Variants in ASTE1 observed in about 807,000 individuals in gnomAD.
ASTE1 encodes the protein asteroid structure-specific endonuclease 1.
A neutral mutation model predicts 45.8 loss-of-function variants in ASTE1; 49 were observed. The ratio of observed to expected loss-of-function variants is 1.07; its 90% CI spans 0.85 to 1.36. The LOEUF (loss-of-function observed/expected upper bound fraction) is 1.36. Ranked by LOEUF, ASTE1 falls within the 40% of genes most tolerant of loss-of-function variation. ASTE1 has a pLI of 0.00. For missense variants in ASTE1, 709 were observed against 804.0 expected (o/e 0.88, Z 1.43); for synonymous variants, 296 against 303.9 (o/e 0.97, Z 0.27).
At chr3:131,021,798 C>T (rs577017656) in intron 3 of ASTE1, among the ~76,000 whole-genome samples, 12 of 152,288 alleles carry the variant, frequency 7.9e-5, no homozygotes, top group African/African-American at 2.6e-4. Flanking sequence ...AAAGTACACA[C>T]TTTATGTGCA....
At position 131,024,601 on chromosome 3, in the gene ASTE1, A is replaced by C; in HGVS notation, c.706T>G (p.Leu236Val). 2 of 1,611,668 alleles carry C rather than the reference A, an allele frequency of 1.2e-6. No homozygotes were observed. The highest frequency in any genetic ancestry group is 1.7e-6 in the Non-Finnish European group (2 of 1,178,696). The change falls in exon 3 of 6, where the codon TTA (leucine) becomes GTA (valine). Residue 236 changes from leucine to valine, a missense_variant. By Grantham distance (32) the Leu-to-Val change is conservative. Transcript: ENST00000264992. ...CCAAGAGGAAGACGCGCTTTACTTA[A>C]GAATGTCTCCATGATGGGTAGATTA... ...HVNLPIMETFLSKARLPLGAT... is the reference protein window; with the variant it reads ...HVNLPIMETFVSKARLPLGAT...
chr3:131,014,060 T>C lies in ASTE1; in HGVS notation c.2037A>G (p.Glu679=), dbSNP rs371391740. ...CTAGTTTGATGCAAACTGAGTTTTA[T>C]TCAATGTTGGAGGCCTCACTATGTT... ...LEEHSEASNI[E] The change falls in exon 6 of 6, where the codon GAA becomes GAG. Residue 679 remains glutamate (E), a synonymous_variant. Transcript: ENST00000264992. 1.3e-6 allele frequency: 2 copies of C among 1,566,446 alleles called. No homozygotes were observed. Among genetic ancestry groups the C allele is most frequent in the African/African-American group, 2.8e-5 (2 of 72,356 alleles).
At position 131,024,284 on chromosome 3, in the gene ASTE1, G is replaced by T. The variant is rs777499755; in HGVS notation, c.1023C>A (p.Phe341Leu). ...VALAKGQLSPFISDALVLRRT... is the reference protein window; with the variant it reads ...VALAKGQLSPLISDALVLRRT... ...GTCTTAGGACCAAAGCATCACTGAT[G>T]AAAGGAGATAGCTGGCCTTTAGCTA... Residue 341 changes from phenylalanine (F) to leucine (L), a missense_variant, in exon 3 of 6, where the codon TTC (phenylalanine) becomes TTA (leucine). Transcript: ENST00000264992. 19 of 1,614,218 alleles carry T rather than the reference G, an allele frequency of 1.2e-5. No individual in the cohort carries two copies. In the African/African-American group the frequency reaches 2.0e-4, roughly 17 times the overall value.
At chr3:131,026,435 A>G (rs1452835512) in intron 1 of ASTE1, 72 bp downstream of exon 1, 1 of 152,746 alleles carries the variant, frequency 6.5e-6, no homozygotes, top group Non-Finnish European at 1.5e-5. Flanking sequence ...GTCTTCAAAC[A>G]CAGGCCTTCA....
At position 131,024,215 on chromosome 3, in the gene ASTE1, A is replaced by G; in HGVS notation, c.1092T>C (p.Asn364=). The change falls in exon 3 of 6, where the codon AAT becomes AAC. Residue 364 remains asparagine (N), a synonymous_variant. Coordinates refer to ENST00000264992, the MANE Select transcript of ASTE1 (RefSeq NM_014065.4). ...PTQVENMQQP[N]AHRISQPIRQ... Reference sequence around the variant, plus strand: ...TGATGGGCTGAGATATTCTGTGGGCATTTGGTTGCTGCATGTTTTCCACCT... The same window carrying G: ...TGATGGGCTGAGATATTCTGTGGGCGTTTGGTTGCTGCATGTTTTCCACCT... 6.2e-7 allele frequency: 1 copy of G among 1,614,202 alleles called. No individual in the cohort carries two copies. Among genetic ancestry groups the G allele is most frequent in the East Asian group, 2.2e-5 (1 of 44,880 alleles).
intron 5 of ASTE1, 70 bp from the exon 6 acceptor site, chr3:131,014,457 A>G (rs2063493097): frequency 1.1e-5 from 16 of 1,424,674 alleles, no homozygotes; most frequent in Non-Finnish European, 1.5e-5. Flanking sequence ...TACCATTGAC[A>G]TAGCTTCAAC....
chr3:131,020,392 G>A (rs1371258685), intron 3 of ASTE1, among the ~76,000 whole-genome samples: 1 of 152,180 alleles, frequency 6.6e-6, no homozygotes, highest in African/African-American at 2.4e-5. Flanking sequence ...TGCCCCGAGA[G>A]GCAGAGATGC....
intron 3 of ASTE1, among the ~76,000 whole-genome samples, chr3:131,019,772 A>C (rs1411400703): frequency 2.0e-5 from 3 of 152,236 alleles, no homozygotes; most frequent in Non-Finnish European, 4.4e-5. Flanking sequence ...TAAAGATATT[A>C]ACCTGAAACA....
At chr3:131,022,738 G>T (rs1577110435) in intron 3 of ASTE1, among the ~76,000 whole-genome samples, 1 of 151,992 alleles carries the variant, frequency 6.6e-6, no homozygotes, top group African/African-American at 2.4e-5. Flanking sequence ...AAGGCTCTTG[G>T]ACTCACTGCC....
At chr3:131,021,125 G>A (rs1453972219) in intron 3 of ASTE1, among the ~76,000 whole-genome samples, 2 of 152,086 alleles carry the variant, frequency 1.3e-5, no homozygotes, top group African/African-American at 4.8e-5. Flanking sequence ...AGTATATTAA[G>A]AACTTCTGTT....
At position 131,014,203 on chromosome 3, in the gene ASTE1, T is replaced by G. The variant is rs2063468360; in HGVS notation, c.1894A>C (p.Arg632=). ...CAGCTGGTATTCTGTTTCTTCTGCC[T>G]TTTTTTTTTTGAATTTGATCTACCT... ...PKGRSNSKKK[R]QKKQNTSCSK... Residue 632 remains arginine, a synonymous_variant, in exon 6 of 6, where the codon AGG becomes CGG. Transcript: ENST00000264992. 2 of 743,916 alleles carry G rather than the reference T, an allele frequency of 2.7e-6. No homozygotes were observed. The highest frequency in any genetic ancestry group is 2.9e-5 in the South Asian group (1 of 34,450). 46.1% of individuals were successfully genotyped at this position (743,916 alleles called of 1,614,324 possible).
chr3:131,017,841 G>C (rs931614060), intron 4 of ASTE1, among the ~76,000 whole-genome samples: 4 of 151,590 alleles, frequency 2.6e-5, no homozygotes, highest in East Asian at 3.9e-4. Flanking sequence ...GCGGTGACAG[G>C]CACCTGTAAT....
At chr3:131,017,533 G>A (rs1347224651) in intron 4 of ASTE1, among the ~76,000 whole-genome samples, 1 of 152,158 alleles carries the variant, frequency 6.6e-6, no homozygotes, top group East Asian at 1.9e-4. Context: ...CTATTCCAGA[G>A]TATAATTATT....
chr3:131,016,411 AC>A, intron 4 of ASTE1, 72 bp from the exon 5 acceptor site: 1 of 1,497,830 alleles, frequency 6.7e-7, no homozygotes, highest in Non-Finnish European at 9.3e-7. Context: ...CTCCACATAT[AC>A]TACAAATTCT....
chr3:131,026,411 A>G (rs1560069751), intron 1 of ASTE1, 96 bp downstream of exon 1: 1 of 152,298 alleles, frequency 6.6e-6, no homozygotes, highest in Non-Finnish European at 1.5e-5. Context: ...AGGCGGGCAA[A>G]AGGTCTGACC....
At chr3:131,014,726 G>C (rs914298299) in intron 5 of ASTE1, among the ~76,000 whole-genome samples, 4 of 152,172 alleles carry the variant, frequency 2.6e-5, no homozygotes, top group Admixed American at 1.3e-4. Flanking sequence ...AAACCAAACA[G>C]GCAGTTTGTT....
In ASTE1 at chr3:131,024,896, G is replaced by A; in HGVS notation, c.411C>T (p.Cys137=). 6.2e-7 allele frequency: 1 copy of A among 1,614,144 alleles called. No individual in the cohort carries two copies. Among genetic ancestry groups the A allele is most frequent in the Non-Finnish European group, 8.5e-7 (1 of 1,180,012 alleles). The part of the protein sequence containing the change: ...LIKLRVCFVQ[C]FSEADRDIMT... The stretch of plus-strand genomic sequence containing the variant: ...TAATGTCCCGATCTGCTTCTGAAAA[G>A]CACTGGACAAAACACACCCGCAGCT... The change falls in exon 3 of 6, where the codon TGC becomes TGT. Residue 137 remains cysteine (C), a synonymous_variant. Coordinates refer to ENST00000264992, the MANE Select transcript of ASTE1 (RefSeq NM_014065.4).
At chr3:131,022,252 T>C (rs1349252355) in intron 3 of ASTE1, among the ~76,000 whole-genome samples, 2 of 152,214 alleles carry the variant, frequency 1.3e-5, no homozygotes, top group African/African-American at 4.8e-5. Flanking sequence ...ACGGGGCTTT[T>C]AAGCTACTGA....
Position 131,024,948 on chromosome 3 carries a change from C to T in ASTE1, c.359G>A (p.Arg120Gln), listed in dbSNP as rs755209113. ...GATCAAAACCTGTATGAATACTTCC[C>T]GGATGAGTAAGGGACATACGTACCC... ...GSGYVCPLLIREVFIQVLIKL... is the reference protein window; with the variant it reads ...GSGYVCPLLIQEVFIQVLIKL... Residue 120 changes from arginine to glutamine, a missense_variant, in exon 3 of 6, where the codon CGG becomes CAG. Physicochemically the swap from Arg to Gln is conservative, Grantham distance 43. Coordinates refer to ENST00000264992, the MANE Select transcript of ASTE1 (RefSeq NM_014065.4). 1.2e-5 allele frequency: 19 copies of T among 1,612,468 alleles called. No homozygotes were observed. Among genetic ancestry groups the T allele is most frequent in the Non-Finnish European group, 1.3e-5 (15 of 1,179,218 alleles).
Sources: gnomAD v4.1 joint callset for allele counts (sites outside exome capture counted in the v4.1 genomes callset) on GRCh38, gnomAD v4.1.1 for gene constraint, MANE v1.5 for transcripts, NCBI Gene and HGNC (gene_info 2026-07-23, HGNC 2026-07-21) for gene names.